RYR1: variants seen among roughly 807,000 people sequenced by gnomAD.
The protein encoded by RYR1 is central core disease of muscle.
In RYR1, 342 loss-of-function variants were observed where a neutral mutation model predicts 583.5. That is an observed-to-expected ratio of 0.59 (90% CI 0.54 to 0.64). RYR1 has a LOEUF of 0.64. Among genes scored for constraint, RYR1 ranks in the 30% least tolerant of loss-of-function variants. RYR1 has a pLI of 0.00. For missense variants in RYR1, 6,032 were observed against 6,917.2 expected (o/e 0.87, Z 4.54); for synonymous variants, 2,791 against 2,822.5 (o/e 0.99, Z 0.35).
In RYR1 at chr19:38,467,620, G is replaced by A. The variant is rs1300591447; in HGVS notation, c.3189G>A (p.Glu1063=). 1.9e-6 allele frequency: 3 copies of A among 1,614,220 alleles called. No individual in the cohort carries two copies. The highest frequency in any genetic ancestry group is 1.1e-5 in the South Asian group (1 of 91,078). The change falls in exon 25 of 106, where the codon GAG becomes GAA. Residue 1063 remains glutamate (E), a synonymous_variant. Transcript: ENST00000359596. ...TGGCCTCATTTATAGGTCAGGTGGA[G>A]AACCAGTCTCGTTGTGACCGGGTGC... ...EPPDQEPSQV[E]NQSRCDRVRI...
intron 34 of RYR1, among the ~76,000 whole-genome samples, chr19:38,487,826 G>A (rs7248175): frequency 8.5e-5 from 13 of 152,172 alleles, no homozygotes; most frequent in Non-Finnish European, 1.5e-4. Flanking sequence ...TAGAGGTGGA[G>A]TCTCGCTATT....
Position 38,577,812 on chromosome 19 carries a change from C to T in RYR1, c.14173-106C>T, listed in dbSNP as rs1390802724. ...CTGTCTCAAAAAAAAAAATGCACCT[C>T]CCATTTCTCACTCAGAGTTTGGAGT... On this transcript the variant is annotated intron_variant, in intron 97 of 105. Coordinates refer to ENST00000359596, the MANE Select transcript of RYR1 (RefSeq NM_000540.3). 3 of 1,485,364 alleles carry T rather than the reference C, an allele frequency of 2.0e-6. No homozygotes were observed. The African/African-American group carries it at 4.2e-5, about 21-fold the overall frequency. The allele number at this position is 1,485,364 out of a possible 1,614,324, so 92.0% of individuals were successfully genotyped here.
At chr19:38,515,129 T>C (rs1178191535) in intron 64 of RYR1, 22 bp downstream of exon 64, 2 of 1,555,794 alleles carry the variant, frequency 1.3e-6, no homozygotes, top group African/African-American at 2.8e-5. Flanking sequence ...GAGCCATCGT[T>C]TGGGGCTGGG....
At chr19:38,519,159 T>C (rs975147417) in intron 66 of RYR1, 55 bp from the exon 67 acceptor site, 97 of 1,613,138 alleles carry the variant, frequency 6.0e-5, no homozygotes, top group Non-Finnish European at 8.1e-5. Context: ...GGAACGGAGT[T>C]TGGGGCCTGT....
intron 90 of RYR1, among the ~76,000 whole-genome samples, chr19:38,564,713 A>G (rs935716530): frequency 7.2e-5 from 11 of 152,088 alleles, no homozygotes; most frequent in Non-Finnish European, 1.3e-4. Context: ...CGGGGGTTTC[A>G]CCATGTTGGC....
chr19:38,516,119 G>A lies in RYR1; in HGVS notation c.9587G>A (p.Arg3196His), dbSNP rs1064797240. 1.4e-5 allele frequency: 21 copies of A among 1,550,022 alleles called. No homozygotes were observed. The highest frequency in any genetic ancestry group is 2.0e-4 in the Middle Eastern group (1 of 5,056). ...CCAGCCCTCGGGGAGTGCCTGGCCC[G>A]TCTGGCAGCAGCCATGCCGGTGGCG... ...LRPALGECLARLAAAMPVAFL... is the reference protein window; with the variant it reads ...LRPALGECLAHLAAAMPVAFL... The change falls in exon 65 of 106, where the codon CGT becomes CAT. Residue 3196 changes from arginine (R) to histidine (H), a missense_variant. Around this residue, in one of 11 missense-constraint regions of RYR1, gnomAD observed 1,493 missense variants for 1,715.5 expected, o/e 0.87. Transcript: ENST00000359596.
intron 90 of RYR1, 45 bp from the exon 91 acceptor site, chr19:38,564,914 C>G (rs898635055): frequency 3.9e-6 from 6 of 1,545,998 alleles, no homozygotes; most frequent in Non-Finnish European, 5.2e-6. Flanking sequence ...GCTGTCCGAG[C>G]CCCCGCTGAC....
chr19:38,497,299 C>T (rs1279466032), intron 42 of RYR1, among the ~76,000 whole-genome samples: 1 of 152,242 alleles, frequency 6.6e-6, no homozygotes, highest in East Asian at 1.9e-4. Flanking sequence ...GCTACGCTTC[C>T]GGGTTGGGGG....
In RYR1 at chr19:38,444,274, G is replaced by T. The variant is rs754569485; in HGVS notation, c.537+13G>T. The T allele has an allele frequency of 2.8e-5, 45 of 1,596,084 alleles. No homozygotes were observed. Among genetic ancestry groups the T allele is most frequent in the Non-Finnish European group, 3.7e-5 (43 of 1,164,156 alleles). On this transcript the variant is annotated intron_variant, in intron 6 of 105. Coordinates refer to ENST00000359596, the MANE Select transcript of RYR1 (RefSeq NM_000540.3). The surrounding 1 kb of genome is among the most constrained non-coding windows in gnomAD (Gnocchi z 5.1). ...CGAGCGCTACCTGGTGAGCCATTGC[G>T]GTTCCTCCTGCTCCCAGGTCTGGGG...
intron 16 of RYR1, among the ~76,000 whole-genome samples, chr19:38,456,560 G>A (rs1337288752): frequency 1.3e-5 from 2 of 151,756 alleles, no homozygotes; most frequent in African/African-American, 4.8e-5. Flanking sequence ...GGGATTACAG[G>A]TGTGAGCCAC....
chr19:38,532,910 A>G lies in RYR1; in HGVS notation c.11259+174A>G, dbSNP rs183270891. Among the ~76,000 whole-genome samples, 267 of 152,132 alleles carry G rather than the reference A, an allele frequency of 1.8e-3. 1 individual carries two copies. Among genetic ancestry groups the G allele is most frequent in the Admixed American group, 6.5e-3 (100 of 15,276 alleles). ...AAACTAACACCACGGAGTGTACACC[A>G]TGGTCATGGGGGAAGCTCAGGCAGA... On this transcript the variant is annotated intron_variant, in intron 78 of 105. Transcript: ENST00000359596.
chr19:38,455,154 A>G, intron 13 of RYR1, 81 bp from the exon 14 acceptor site: 1 of 1,515,276 alleles, frequency 6.6e-7, no homozygotes, highest in Non-Finnish European at 9.2e-7. Context: ...TTGAAGGAAT[A>G]TGAATTCGTG....
In RYR1 at chr19:38,546,463, C is replaced by T; in HGVS notation, c.12031C>T (p.Leu4011=). The T allele has an allele frequency of 6.2e-7, 1 of 1,613,870 alleles. No homozygotes were observed. The part of the protein sequence containing the change: ...KLAQDSSQIE[L]LKELLDLQKD... ...TCTCTAGGACTCAAGCCAGATCGAG[C>T]TGCTGAAGGAGCTGCTGGATCTGCA... Residue 4011 remains leucine (L), a synonymous_variant, in exon 88 of 106, where the codon CTG becomes TTG. Transcript: ENST00000359596.
At position 38,523,291 on chromosome 19, in the gene RYR1, C is replaced by T; in HGVS notation, c.10422C>T (p.Asn3474=). 1 of 1,614,226 alleles carries T rather than the reference C, an allele frequency of 6.2e-7. No homozygotes were observed. The highest frequency in any genetic ancestry group is 1.1e-5 in the South Asian group (1 of 91,084). ...ACATGTCCTTCCTGACTGCTGACAA[C>T]AAAAGCAAAATGGCTAAGGTCGGGG... ...INNMSFLTAD[N]KSKMAKAGDI... Residue 3474 remains asparagine (N), a synonymous_variant, in exon 69 of 106, where the codon AAC becomes AAT. Coordinates refer to ENST00000359596, the MANE Select transcript of RYR1 (RefSeq NM_000540.3).
rs764944423 is a variant in RYR1, at chr19:38,512,406, C to T, written c.9395C>T (p.Thr3132Ile). The T allele has an allele frequency of 6.2e-7, 1 of 1,613,976 alleles. No homozygotes were observed. Among genetic ancestry groups the T allele is most frequent in the Non-Finnish European group, 8.5e-7 (1 of 1,180,036 alleles). ...GGCGTGGGCCAGAACCTCACCTACA[C>T]CACTGTGGCACTGCTGCCGGTCCTC... The part of the protein sequence containing the change: ...VKGVGQNLTY[T>I]TVALLPVLTT... Residue 3132 changes from threonine to isoleucine, a missense_variant, in exon 63 of 106, where the codon ACC becomes ATC. Thr to Ile is a moderately conservative substitution (Grantham distance 89). Transcript: ENST00000359596. The surrounding 1 kb of genome is among the most constrained non-coding windows in gnomAD (Gnocchi z 5.1).
In RYR1 at chr19:38,504,845, A is replaced by T. The variant is rs745782979; in HGVS notation, c.8165A>T (p.Lys2722Met). Residue 2722 changes from lysine (K) to methionine (M), a missense_variant, in exon 51 of 106, where the codon AAG (lysine) becomes ATG (methionine). Lys to Met is a moderately conservative substitution (Grantham distance 95). Coordinates refer to ENST00000359596, the MANE Select transcript of RYR1 (RefSeq NM_000540.3). Reference protein sequence around the residue: ...PDYVDASYSSKAEKKATVDAE... With the variant: ...PDYVDASYSSMAEKKATVDAE... ...TATGTGGATGCCTCATACTCATCTA[A>T]GGCAGAGAAAAAGGCCACAGTGGAT... 1.2e-6 allele frequency: 2 copies of T among 1,614,134 alleles called. No individual in the cohort carries two copies. Among genetic ancestry groups the T allele is most frequent in the Admixed American group, 3.3e-5 (2 of 60,020 alleles).
chr19:38,490,760 C>T, intron 37 of RYR1, 28 bp downstream of exon 37: 1 of 1,432,940 alleles, frequency 7.0e-7, no homozygotes, highest in South Asian at 1.1e-5. Flanking sequence ...GAGAGTCCTC[C>T]CCATGCTAAC....
intron 51 of RYR1, 25 bp from the exon 52 acceptor site, chr19:38,504,978 T>C: frequency 6.2e-7 from 1 of 1,614,072 alleles, no homozygotes; most frequent in Non-Finnish European, 8.5e-7. Context: ...AGCTCCAACA[T>C]CTGCTGACCC....
intron 89 of RYR1, among the ~76,000 whole-genome samples, chr19:38,555,098 C>A (rs1972823646): frequency 6.6e-6 from 1 of 152,080 alleles, no homozygotes; most frequent in Non-Finnish European, 1.5e-5. Context: ...AACCACTGAT[C>A]TTTCTGCCTC....
Sources: gnomAD v4.1 joint callset for allele counts (sites outside exome capture counted in the v4.1 genomes callset) on GRCh38, gnomAD v4.1.1 for gene constraint, gnomAD v4.1.1 regional missense constraint, Gnocchi (gnomAD v3.1) non-coding constraint, MANE v1.5 for transcripts, NCBI Gene and HGNC (gene_info 2026-07-23, HGNC 2026-07-21) for gene names.